The following SLC30A6 variants were observed in gnomAD, a reference collection of about 807,000 sequenced individuals.
SLC30A6 encodes solute carrier family 30 member 6.
Under a neutral mutation model 63.0 loss-of-function variants are expected in SLC30A6, and 55 were observed. The ratio of observed to expected loss-of-function variants is 0.87; its 90% CI spans 0.70 to 1.09. The LOEUF is 1.09. SLC30A6 is among the 50% of genes least tolerant of loss of function. The pLI is 0.00. For synonymous variants in SLC30A6, 224 were observed against 186.1 expected, an observed-to-expected ratio of 1.20 and a Z score of -1.66; for missense variants, 587 against 549.2, an observed-to-expected ratio of 1.07 and a Z score of -0.69.
In SLC30A6 at chr2:32,175,380, T is replaced by G. The variant is rs554442930; in HGVS notation, c.218+19T>G. The G allele has an allele frequency of 1.4e-5, 23 of 1,607,956 alleles. No homozygotes were observed. The highest frequency in any genetic ancestry group is 1.8e-5 in the Non-Finnish European group (21 of 1,177,382). On this transcript the variant is annotated intron_variant, in intron 4 of 13. Transcript: ENST00000282587. ...TTTTTAGGTAAGTTTTTAGGAAATC[T>G]TAATGTTTTGGAGCTAATAAGGAAC...
At position 32,197,806 on chromosome 2, in the gene SLC30A6, A is replaced by C. The variant is rs374439355; in HGVS notation, c.645A>C (p.Thr215=). ...DLAGAFALCI[T]YMLIEINNYF... Reference sequence around the variant, plus strand: ...CTGGAGCATTTGCTCTTTGTATTACATATATGCTCATTGAAATTAAGTGAG... The same window carrying C: ...CTGGAGCATTTGCTCTTTGTATTACCTATATGCTCATTGAAATTAAGTGAG... Residue 215 remains threonine (T), a synonymous_variant, in exon 10 of 14, where the codon ACA becomes ACC. Transcript: ENST00000282587. 9 of 1,613,582 alleles carry C rather than the reference A, an allele frequency of 5.6e-6. No homozygotes were observed. Among genetic ancestry groups the C allele is most frequent in the Non-Finnish European group, 7.6e-6 (9 of 1,179,928 alleles).
chr2:32,183,519 TA>T (rs1175457937), intron 4 of SLC30A6, among the ~76,000 whole-genome samples: 2 of 148,998 alleles, frequency 1.3e-5, no homozygotes, highest in Non-Finnish European at 1.5e-5. Context: ...TCGTCTCTAC[TA>T]AAAAAAAATA....
chr2:32,196,219 G>A (rs1455171040), intron 8 of SLC30A6, among the ~76,000 whole-genome samples: 2 of 152,084 alleles, frequency 1.3e-5, no homozygotes, highest in African/African-American at 2.4e-5. Context: ...GGAGGCTGAG[G>A]CAGGAGAATC....
At chr2:32,184,665 T>TGAGACAGGAGAATCGCTGG (rs1682647659) in intron 5 of SLC30A6, among the ~76,000 whole-genome samples, 1 of 152,072 alleles carries the variant, frequency 6.6e-6, no homozygotes. Flanking sequence ...CTTGAGAGGC[T>TGAGACAGGAGAATCGCTGG]GAGACAGGAG....
At chr2:32,174,012 C>A in intron 2 of SLC30A6, 51 bp from the exon 3 acceptor site, 1 of 1,388,406 alleles carries the variant, frequency 7.2e-7, no homozygotes, top group Non-Finnish European at 1.0e-6. Flanking sequence ...TGAACAGACC[C>A]CGTGAAATTT....
intron 13 of SLC30A6, among the ~76,000 whole-genome samples, chr2:32,216,896 GT>G (rs558509956): frequency 5.7e-4 from 82 of 144,472 alleles, no homozygotes; most frequent in Middle Eastern, 3.5e-3. Context: ...TTTGAGGTCT[GT>G]TTTTTTTTTT....
intron 12 of SLC30A6, among the ~76,000 whole-genome samples, chr2:32,209,213 T>C (rs1297595143): frequency 1.3e-5 from 2 of 152,150 alleles, no homozygotes; most frequent in Non-Finnish European, 2.9e-5. Context: ...CCATACACTG[T>C]TGAAGAAATT....
chr2:32,211,708 C>G (rs1213651736), intron 13 of SLC30A6, among the ~76,000 whole-genome samples: 1 of 152,104 alleles, frequency 6.6e-6, no homozygotes, highest in African/African-American at 2.4e-5. Flanking sequence ...GCCTCTGCCT[C>G]CAGGGTTCAA....
At chr2:32,179,293 T>C (rs1398717635) in intron 4 of SLC30A6, among the ~76,000 whole-genome samples, 2 of 152,224 alleles carry the variant, frequency 1.3e-5, no homozygotes, top group Non-Finnish European at 2.9e-5. Context: ...TAGTAATTTA[T>C]GCTGCAGATA....
At chr2:32,193,546 G>A (rs1683525075) in intron 7 of SLC30A6, among the ~76,000 whole-genome samples, 2 of 152,210 alleles carry the variant, frequency 1.3e-5, no homozygotes, top group Admixed American at 1.3e-4. Flanking sequence ...CAACTATATG[G>A]ACCTTATCTA....
chr2:32,176,061 A>G (rs777982513), intron 4 of SLC30A6, among the ~76,000 whole-genome samples: 1 of 152,182 alleles, frequency 6.6e-6, no homozygotes, highest in Non-Finnish European at 1.5e-5. Context: ...ACCTGAGAAG[A>G]TATTTGTAAT....
Position 32,222,361 on chromosome 2 carries a change from T to G in SLC30A6, c.*1648T>G, listed in dbSNP as rs1210209168. The stretch of plus-strand genomic sequence containing the variant: ...CCAATGCTCCTGGAGATTTATGACT[T>G]TCCCAGCCATCAGCCAGCTATCTAG... On this transcript the variant is annotated 3_prime_UTR_variant, in exon 14 of 14. Coordinates refer to ENST00000282587, the MANE Select transcript of SLC30A6 (RefSeq NM_017964.5). 1 of 152,202 alleles carries G rather than the reference T, an allele frequency of 6.6e-6. No homozygotes were observed. Among genetic ancestry groups the G allele is most frequent in the Non-Finnish European group, 1.5e-5 (1 of 68,020 alleles). The allele number at this position is 152,202 out of a possible 1,614,324, so 9.4% of individuals were successfully genotyped here.
chr2:32,219,065 C>G (rs1685942772), intron 13 of SLC30A6, among the ~76,000 whole-genome samples: 1 of 152,024 alleles, frequency 6.6e-6, no homozygotes, highest in African/African-American at 2.4e-5. Flanking sequence ...TTCTTCCCTT[C>G]TTCTCTTCCC....
At chr2:32,171,783 C>G (rs1373295437) in intron 2 of SLC30A6, among the ~76,000 whole-genome samples, 1 of 151,962 alleles carries the variant, frequency 6.6e-6, no homozygotes, top group African/African-American at 2.4e-5. Context: ...ACCTCTGCCT[C>G]CCGGGTTCAA....
Position 32,165,879 on chromosome 2 carries a change from GGGAGCTGT to G in SLC30A6, c.-20_-13del, listed in dbSNP as rs1275670538. 1.2e-6 allele frequency: 2 copies of G among 1,613,978 alleles called. No homozygotes were observed. The highest frequency in any genetic ancestry group is 4.5e-5 in the East Asian group (2 of 44,864). On this transcript the variant is annotated 5_prime_UTR_variant, in exon 1 of 14. Coordinates refer to ENST00000282587, the MANE Select transcript of SLC30A6 (RefSeq NM_017964.5). Reference sequence around the variant, plus strand: ...TCGAGCACCCAGAACGGCTTCCGGCGGGAGCTGTGCAGCTCCTTATCATGGTGAGTTGG... The same window carrying G: ...TCGAGCACCCAGAACGGCTTCCGGCGGCAGCTCCTTATCATGGTGAGTTGG...
At chr2:32,174,548 A>ATTTTTTTTTTTTTTTTTTT (rs11432136) in intron 3 of SLC30A6, among the ~76,000 whole-genome samples, 1 of 92,260 alleles carries the variant, frequency 1.1e-5, no homozygotes, top group African/African-American at 4.6e-5. Context: ...CTATCTGGAG[A>ATTTTTTTTTTTTTTTTTTT]TTTTTTTTTT....
rs1358616569 is a variant in SLC30A6, at chr2:32,209,540, G to C, written c.864G>C (p.Trp288Cys). The C allele has an allele frequency of 6.2e-6, 10 of 1,612,424 alleles. No individual in the cohort carries two copies. Among genetic ancestry groups the C allele is most frequent in the Non-Finnish European group, 8.5e-6 (10 of 1,179,572 alleles). ...TAGAAGTCCGAAATGAACATTTTTG[G>C]ACCCTAGGTTTTGGCTCATTGGTAT... ...GVLEVRNEHF[W>C]TLGFGSLAGS... Residue 288 changes from tryptophan (W) to cysteine (C), a missense_variant, in exon 13 of 14, where the codon TGG becomes TGC. Trp to Cys is a radical substitution (Grantham distance 215, BLOSUM62 -2). Transcript: ENST00000282587.
At chr2:32,203,816 C>T in intron 10 of SLC30A6, 1 of 1,444,606 alleles carries the variant, frequency 6.9e-7, no homozygotes, top group Non-Finnish European at 9.7e-7. Context: ...AGAAACACAT[C>T]TTCTAATTCC....
intron 4 of SLC30A6, among the ~76,000 whole-genome samples, chr2:32,179,392 G>T (rs982448478): frequency 1.3e-5 from 2 of 152,096 alleles, no homozygotes; most frequent in African/African-American, 4.8e-5. Flanking sequence ...AAATAATGGG[G>T]CATGTATACC....
Sources: allele counts gnomAD v4.1 joint callset (sites outside exome capture counted in the v4.1 genomes callset), GRCh38; gene constraint gnomAD v4.1.1; transcripts MANE v1.5; gene names NCBI Gene and HGNC (gene_info 2026-07-23, HGNC 2026-07-21).